CNTN1: variants seen among roughly 807,000 people sequenced by gnomAD.
CNTN1 encodes contactin 1, also known as contactin-1.
CNTN1 carries 38 observed loss-of-function variants against 126.4 expected under a neutral mutation model. The ratio of observed to expected loss-of-function variants is 0.30; its 90% CI spans 0.23 to 0.39. The LOEUF (loss-of-function observed/expected upper bound fraction) is 0.39. Ranked by LOEUF, CNTN1 falls within the 10% of genes least tolerant of loss-of-function variation. The probability of loss-of-function intolerance (pLI) is 1.00; values close to 1 mark genes in which losing one functional copy is unlikely to be tolerated. For missense variants in CNTN1, 1,009 were observed against 1,248.4 expected (o/e 0.81, Z 2.89); for synonymous variants, 413 against 422.6 (o/e 0.98, Z 0.28).
At position 41,063,240 on chromosome 12, in the gene CNTN1, C is replaced by G. The variant is rs1185707474; in HGVS notation, c.2981-6719C>G. On this transcript the variant is annotated intron_variant, in intron 23 of 23. Transcript: ENST00000551295. ...ACTTGCTTTTCTTGTGTTGATTAGC[C>G]TCAAGCAATTGGGAAAATAGCTAAA... Among the ~76,000 whole-genome samples, 8 of 152,310 alleles carry G rather than the reference C, an allele frequency of 5.3e-5. No homozygotes were observed. The East Asian group carries it at 1.5e-3, about 29-fold the overall frequency.
At chr12:40,835,148 T>A (rs117403092) in intron 1 of CNTN1, among the ~76,000 whole-genome samples, 352 of 152,344 alleles carry the variant, frequency 2.3e-3, no homozygotes, top group Non-Finnish European at 3.9e-3. Context: ...ATAATAGCAG[T>A]GTCTCAATGA....
intron 1 of CNTN1, among the ~76,000 whole-genome samples, chr12:40,712,345 G>C (rs1290623014): frequency 6.6e-6 from 1 of 152,130 alleles, no homozygotes; most frequent in Non-Finnish European, 1.5e-5. Context: ...TAGGCCATAT[G>C]ATTTTCTGTG....
intron 7 of CNTN1, among the ~76,000 whole-genome samples, chr12:40,930,218 A>T (rs528636137): frequency 7.6e-4 from 115 of 152,086 alleles, no homozygotes; most frequent in African/African-American, 2.6e-3. Flanking sequence ...TTGAGTTCGG[A>T]TGAGTTGCCT....
chr12:41,066,085 G>T (rs887682252), intron 23 of CNTN1, among the ~76,000 whole-genome samples: 8 of 152,146 alleles, frequency 5.3e-5, no homozygotes, highest in Non-Finnish European at 1.2e-4. Flanking sequence ...CTTCCATATG[G>T]CCAGGGCCAT....
intron 1 of CNTN1, among the ~76,000 whole-genome samples, chr12:40,879,773 T>G (rs568987144): frequency 3.5e-4 from 53 of 152,274 alleles, no homozygotes; most frequent in African/African-American, 1.2e-3. Flanking sequence ...ACACGTAAAT[T>G]CTTTGTTACA....
chr12:40,805,992 G>T (rs1940839258), intron 1 of CNTN1, among the ~76,000 whole-genome samples: 1 of 152,070 alleles, frequency 6.6e-6, no homozygotes, highest in African/African-American at 2.4e-5. Flanking sequence ...GTTGTAATCT[G>T]CTCCCAGCTC....
At chr12:40,955,675 G>T (rs915831847) in intron 14 of CNTN1, among the ~76,000 whole-genome samples, 1 of 152,078 alleles carries the variant, frequency 6.6e-6, no homozygotes. Flanking sequence ...TACTTTGTAT[G>T]TAATAATAAA....
At chr12:40,708,350 A>G (rs533794988) in intron 1 of CNTN1, among the ~76,000 whole-genome samples, 9 of 152,232 alleles carry the variant, frequency 5.9e-5, no homozygotes, top group Non-Finnish European at 1.0e-4. Flanking sequence ...ACTGTAGTCT[A>G]TTAAGTGTGC....
At chr12:40,712,971 G>GT (rs751254909) in intron 1 of CNTN1, among the ~76,000 whole-genome samples, 4 of 151,798 alleles carry the variant, frequency 2.6e-5, no homozygotes, top group African/African-American at 4.8e-5. Context: ...AGAGCTGGTT[G>GT]TTAAAAAAAA....
At chr12:41,029,854 T>C (rs995269816) in intron 23 of CNTN1, among the ~76,000 whole-genome samples, 3 of 152,052 alleles carry the variant, frequency 2.0e-5, no homozygotes, top group African/African-American at 7.2e-5. Flanking sequence ...CAAACTCTAT[T>C]TCTCACACCT....
chr12:40,875,634 C>A (rs68130371), intron 1 of CNTN1, among the ~76,000 whole-genome samples: 1 of 151,680 alleles, frequency 6.6e-6, no homozygotes, highest in African/African-American at 2.4e-5. Context: ...TGGGATTGAC[C>A]TTTTTTAATC....
intron 23 of CNTN1, among the ~76,000 whole-genome samples, chr12:41,041,480 A>G (rs1949408654): frequency 1.3e-5 from 2 of 152,166 alleles, no homozygotes; most frequent in Non-Finnish European, 2.9e-5. Flanking sequence ...GAATAGTTTC[A>G]GAAGGAATGG....
intron 1 of CNTN1, among the ~76,000 whole-genome samples, chr12:40,856,898 G>T (rs1942931554): frequency 6.6e-6 from 1 of 151,860 alleles, no homozygotes; most frequent in South Asian, 2.1e-4. Context: ...TAATCAGAAT[G>T]ACATTCAGGA....
chr12:40,992,698 G>A (rs17128992), intron 16 of CNTN1, among the ~76,000 whole-genome samples: 4,545 of 152,004 alleles, frequency 0.03, 83 homozygotes, highest in African/African-American at 0.061. Context: ...GTTATAAATC[G>A]TTTGCTAGCC....
intron 1 of CNTN1, among the ~76,000 whole-genome samples, chr12:40,721,921 T>C (rs1452152514): frequency 6.6e-6 from 1 of 150,936 alleles, no homozygotes; most frequent in Non-Finnish European, 1.5e-5. Context: ...ATGGTGTATA[T>C]GTGCCACATT....
At chr12:40,718,053 A>C (rs912023815) in intron 1 of CNTN1, among the ~76,000 whole-genome samples, 21 of 152,140 alleles carry the variant, frequency 1.4e-4, no homozygotes, top group Non-Finnish European at 2.5e-4. Context: ...GGGTCTATTT[A>C]GTTTCTTTTA....
chr12:40,904,202 T>C (rs1227039193), intron 1 of CNTN1, among the ~76,000 whole-genome samples: 1 of 151,982 alleles, frequency 6.6e-6, no homozygotes, highest in Non-Finnish European at 1.5e-5. Context: ...GTATTTTTAG[T>C]AGAGATGGGG....
At position 41,029,167 on chromosome 12, in the gene CNTN1, T is replaced by C. The variant is rs1949093067; in HGVS notation, c.2928T>C (p.Val976=). The change falls in exon 23 of 24, where the codon GTT becomes GTC. Residue 976 remains valine (V), a synonymous_variant. Transcript: ENST00000551295. ...IPRDGEYVVE[V]RAHSDGGDGV... is the part of the protein sequence containing the mutation. ...GAGATGGAGAATACGTTGTGGAGGT[T>C]CGCGCGCACAGTGATGGAGGAGATG... 8 of 1,614,114 alleles carry C rather than the reference T, an allele frequency of 5.0e-6. No individual in the cohort carries two copies. Among genetic ancestry groups the C allele is most frequent in the Non-Finnish European group, 6.8e-6 (8 of 1,180,004 alleles).
intron 23 of CNTN1, among the ~76,000 whole-genome samples, chr12:41,063,059 A>G (rs1949970887): frequency 6.6e-6 from 1 of 152,240 alleles, no homozygotes; most frequent in Non-Finnish European, 1.5e-5. Flanking sequence ...TGGCAAACTC[A>G]CACCAGGCCT....
Sources: gnomAD v4.1 joint callset for allele counts (sites outside exome capture counted in the v4.1 genomes callset) on GRCh38, gnomAD v4.1.1 for gene constraint, MANE v1.5 for transcripts, NCBI Gene and HGNC (gene_info 2026-07-23, HGNC 2026-07-21) for gene names.